The following RILPL1 variants were observed in gnomAD, a reference collection of about 807,000 sequenced individuals.
RILPL1 encodes Rab interacting lysosomal protein like 1.
Under a neutral mutation model 50.3 loss-of-function variants are expected in RILPL1, and 33 were observed. That is an observed-to-expected ratio of 0.66 (90% CI 0.50 to 0.88). The LOEUF is 0.88. Among genes scored for constraint, RILPL1 ranks in the 40% least tolerant of loss-of-function variants. RILPL1 has a pLI of 0.00. For synonymous variants in RILPL1, 205 were observed against 228.6 expected (o/e 0.90, Z 0.93); for missense variants, 418 against 542.5 (o/e 0.77, Z 2.28).
chr12:123,480,347 G>A (rs193028113), intron 6 of RILPL1, among the ~76,000 whole-genome samples: 50 of 151,862 alleles, frequency 3.3e-4, no homozygotes, highest in Admixed American at 3.3e-3. Flanking sequence ...ATTTTTAGTA[G>A]AGATGGGGGT....
At chr12:123,479,703 G>C (rs1018823332) in intron 6 of RILPL1, among the ~76,000 whole-genome samples, 5 of 152,162 alleles carry the variant, frequency 3.3e-5, no homozygotes, top group African/African-American at 7.2e-5. Flanking sequence ...GGGCTGCCAC[G>C]GGACTGGTCA....
chr12:123,530,832 A>G (rs889553762), intron 1 of RILPL1, among the ~76,000 whole-genome samples: 1 of 152,228 alleles, frequency 6.6e-6, no homozygotes, highest in African/African-American at 2.4e-5. Flanking sequence ...GCCTGTCATC[A>G]GAGTTGCAGA....
chr12:123,481,966 G>A (rs572184796), intron 6 of RILPL1, among the ~76,000 whole-genome samples: 4 of 151,162 alleles, frequency 2.6e-5, no homozygotes, highest in African/African-American at 4.9e-5. Context: ...TCTGCCTCCC[G>A]GGTTCAAGCA....
rs573745682 is a variant in RILPL1 at position 123,490,455 on chromosome 12, A to C, written c.802-4650T>G. Among the ~76,000 whole-genome samples the C allele has an allele frequency of 3.9e-5, 6 of 152,268 alleles. No individual in the cohort carries two copies. In the South Asian group the frequency reaches 1.2e-3, roughly 32 times the overall value. On this transcript the variant is annotated intron_variant, in intron 4 of 6. Coordinates refer to ENST00000376874, the MANE Select transcript of RILPL1 (RefSeq NM_178314.5). The stretch of plus-strand genomic sequence containing the variant: ...CACCCCTATTGGGTTTTAACTGCCC[A>C]AGACATTGAAGGGCTTCCTTAGAAC...
intron 2 of RILPL1, among the ~76,000 whole-genome samples, chr12:123,511,632 T>G (rs1884227195): frequency 7.1e-6 from 1 of 141,738 alleles, no homozygotes; most frequent in South Asian, 2.3e-4. Context: ...GTGTGGTGTG[T>G]GAGGTCTGTG....
chr12:123,510,192 C>T (rs1035493011), intron 2 of RILPL1, among the ~76,000 whole-genome samples: 5 of 152,262 alleles, frequency 3.3e-5, no homozygotes, highest in African/African-American at 9.6e-5. Context: ...CTCCTGCCTC[C>T]GGCTGTGGGT....
Position 123,533,047 on chromosome 12 carries a change from C to A in RILPL1, c.309+127G>T. The A allele has an allele frequency of 9.7e-7, 1 of 1,025,776 alleles. No homozygotes were observed. The highest frequency in any genetic ancestry group is 1.4e-6 in the Non-Finnish European group (1 of 728,220). The allele number at this position is 1,025,776 out of a possible 1,614,324, so 63.5% of individuals were successfully genotyped here. A position where few individuals can be genotyped will look rare whatever the true frequency, so the allele number is the denominator to read the frequency against. ...AGGCCAGGGCCTCCCTCCCTCCCCA[C>A]GTCGGGTCTCCTCTGGTCCGGTCCC... On this transcript the variant is annotated intron_variant, in intron 1 of 6. Transcript: ENST00000376874. The surrounding 1 kb of genome is among the most constrained non-coding windows in gnomAD (Gnocchi z 6.2).
chr12:123,512,909 T>G (rs961998967), intron 2 of RILPL1, among the ~76,000 whole-genome samples: 3 of 121,550 alleles, frequency 2.5e-5, no homozygotes, highest in African/African-American at 1.2e-4. Flanking sequence ...TGTGAGTGCG[T>G]GTATGTGTGT....
Position 123,533,565 on chromosome 12 carries a change from C to T in RILPL1, c.-83G>A, listed in dbSNP as rs1426906499. 26 of 1,217,986 alleles carry T rather than the reference C, an allele frequency of 2.1e-5. No individual in the cohort carries two copies. The highest frequency in any genetic ancestry group is 7.8e-5 in the Admixed American group (2 of 25,732). The allele number at this position is 1,217,986 out of a possible 1,614,324, so 75.4% of individuals were successfully genotyped here. ...GCTGTCGAGGGCCGGGCCGGCCGGG[C>T]CCAGCCTGGGCCGCGGGCGGGCGCG... On this transcript the variant is annotated 5_prime_UTR_variant, in exon 1 of 7. Coordinates refer to ENST00000376874, the MANE Select transcript of RILPL1 (RefSeq NM_178314.5). The surrounding 1 kb of genome is among the most constrained non-coding windows in gnomAD (Gnocchi z 6.2).
chr12:123,478,214 T>G (rs1177619137), intron 6 of RILPL1, among the ~76,000 whole-genome samples: 1 of 151,690 alleles, frequency 6.6e-6, no homozygotes, highest in African/African-American at 2.4e-5. Flanking sequence ...TTGCCCAGGC[T>G]CATCTCAAAC....
chr12:123,526,805 A>G (rs1885277618), intron 1 of RILPL1, among the ~76,000 whole-genome samples: 1 of 152,114 alleles, frequency 6.6e-6, no homozygotes. Flanking sequence ...ATGGAGAGGG[A>G]ATGTTGACCT....
Position 123,522,607 on chromosome 12 carries a change from T to G in RILPL1, c.460+888A>C, listed in dbSNP as rs1484155645. 6.6e-6 allele frequency among the ~76,000 whole-genome samples: 1 copy of G among 152,094 alleles called. No homozygotes were observed. The highest frequency in any genetic ancestry group is 1.5e-5 in the Non-Finnish European group (1 of 68,016). On this transcript the variant is annotated intron_variant, in intron 2 of 6. Coordinates refer to ENST00000376874, the MANE Select transcript of RILPL1 (RefSeq NM_178314.5). This position sits in a 1 kb window ranked among gnomAD's most constrained non-coding sequence, Gnocchi z 4.0. ...TCAATCATCTTCTGACACACTAGCCTTCTTTATTTTTTTCATCTTACTGTC... is the reference window on the plus strand; with the variant it reads ...TCAATCATCTTCTGACACACTAGCCGTCTTTATTTTTTTCATCTTACTGTC...
chr12:123,481,317 C>CCACTG (rs1881977886), intron 6 of RILPL1, among the ~76,000 whole-genome samples: 1 of 151,272 alleles, frequency 6.6e-6, no homozygotes, highest in African/African-American at 2.4e-5. Context: ...TGAGATTGTG[C>CCACTG]CACTGCACTC....
chr12:123,521,811 C>T (rs762653364), intron 2 of RILPL1, among the ~76,000 whole-genome samples: 2 of 150,220 alleles, frequency 1.3e-5, no homozygotes, highest in Admixed American at 6.7e-5. Context: ...CTTGCTCTGT[C>T]GCCCAGGCTG....
intron 2 of RILPL1, among the ~76,000 whole-genome samples, chr12:123,508,628 A>G (rs1883904179): frequency 6.6e-6 from 1 of 152,274 alleles, no homozygotes; most frequent in Non-Finnish European, 1.5e-5. Context: ...ACTATTCTCT[A>G]TCCTGATCTG....
intron 2 of RILPL1, among the ~76,000 whole-genome samples, chr12:123,511,041 C>G (rs1383005413): frequency 8.9e-5 from 8 of 89,930 alleles, no homozygotes; most frequent in African/African-American, 3.2e-4. Flanking sequence ...GTGGTGGCAT[C>G]TGTGTGTGTG....
Position 123,521,695 on chromosome 12 carries a change from A to G in RILPL1, c.460+1800T>C, listed in dbSNP as rs71444590. 6.8e-3 allele frequency among the ~76,000 whole-genome samples: 60 copies of G among 8,812 alleles called. 1 individual carries two copies. Among genetic ancestry groups the G allele is most frequent in the South Asian group, 0.053 (8 of 152 alleles). The allele number at this position is 8,812 out of a possible 152,430, so 5.8% of individuals were successfully genotyped here. A position where few individuals can be genotyped will look rare whatever the true frequency, so the allele number is the denominator to read the frequency against. ...TAAATATATATATATACACACATAT[A>G]TGTATATATATATAAATATATATAT... On this transcript the variant is annotated intron_variant, in intron 2 of 6. Transcript: ENST00000376874.
At chr12:123,496,880 G>A (rs1193170806) in intron 4 of RILPL1, among the ~76,000 whole-genome samples, 3 of 152,210 alleles carry the variant, frequency 2.0e-5, no homozygotes, top group Non-Finnish European at 4.4e-5. Context: ...GACCATCACC[G>A]CTCTCTAATT....
intron 2 of RILPL1, chr12:123,513,485 T>G (rs544463964): frequency 1.3e-5 from 3 of 238,970 alleles, no homozygotes; most frequent in Middle Eastern, 1.2e-3. Context: ...GCGGCAGCCG[T>G]AGGAGCTATG....
Sources: allele counts gnomAD v4.1 joint callset (sites outside exome capture counted in the v4.1 genomes callset), GRCh38; gene constraint gnomAD v4.1.1; non-coding constraint Gnocchi (gnomAD v3.1); transcripts MANE v1.5; gene names NCBI Gene and HGNC (gene_info 2026-07-23, HGNC 2026-07-21).